The following ZNF517 variants were observed in gnomAD, a reference collection of about 807,000 sequenced individuals.
ZNF517 encodes zinc finger protein 517.
In ZNF517, 12 loss-of-function variants were observed where a neutral mutation model predicts 12.1. The ratio of observed to expected loss-of-function variants is 0.99; its 90% CI spans 0.63 to 1.61. The LOEUF (loss-of-function observed/expected upper bound fraction) is 1.61. Ranked by LOEUF, ZNF517 falls within the 40% of genes most tolerant of loss-of-function variation. The pLI is 0.00. For missense variants in ZNF517, 781 were observed against 693.2 expected, an observed-to-expected ratio of 1.13 and a Z score of -1.42; for synonymous variants, 388 against 310.2, an observed-to-expected ratio of 1.25 and a Z score of -2.63.
chr8:144,802,088 CAGAG>C (rs1231019671), intron 1 of ZNF517, among the ~76,000 whole-genome samples: 1 of 152,154 alleles, frequency 6.6e-6, no homozygotes, highest in African/African-American at 2.4e-5. Context: ...TTCTATGACG[CAGAG>C]AGAGCTAGAG....
downstream of ZNF517, chr8:144,810,257 A>G (rs755430024): frequency 3.3e-5 from 21 of 645,792 alleles, 2 homozygotes; most frequent in South Asian, 3.5e-4. Flanking sequence ...CCCCTAACAG[A>G]TGAAGAGAAG....
At chr8:144,811,626 C>T (rs1380074890), downstream of ZNF517, among the ~76,000 whole-genome samples, 1 of 130,388 alleles carries the variant, frequency 7.7e-6, no homozygotes, top group Non-Finnish European at 1.6e-5. Context: ...CAGCCAGGTG[C>T]AGACTGCAGA....
At chr8:144,801,049 G>A (rs982735627) in intron 1 of ZNF517, among the ~76,000 whole-genome samples, 14 of 152,090 alleles carry the variant, frequency 9.2e-5, no homozygotes, top group Admixed American at 9.2e-4. Flanking sequence ...GGCTGGTCAC[G>A]AACTCCTGAC....
chr8:144,800,753 G>T (rs931153793), intron 1 of ZNF517: 3 of 945,572 alleles, frequency 3.2e-6, no homozygotes, highest in African/African-American at 1.8e-5. Context: ...ATCGCCCTTC[G>T]TACCCTAACA....
At chr8:144,800,533 G>A (rs886893034) in intron 1 of ZNF517, 3 of 985,236 alleles carry the variant, frequency 3.0e-6, no homozygotes, top group African/African-American at 1.7e-5. Context: ...TCTTCTGGCA[G>A]CCTCATACCC....
At chr8:144,803,854 CT>C (rs1445044146) in intron 3 of ZNF517, 87 bp downstream of exon 3, 19 of 1,529,828 alleles carry the variant, frequency 1.2e-5, no homozygotes, top group Non-Finnish European at 1.6e-5. Flanking sequence ...GATTCAAGGT[CT>C]GACACATTTT....
downstream of ZNF517, among the ~76,000 whole-genome samples, chr8:144,813,199 C>G (rs1032888705): frequency 1.3e-5 from 2 of 151,760 alleles, no homozygotes; most frequent in South Asian, 2.1e-4. Context: ...ACCTGCAGTT[C>G]CAGCTACTCG....
Position 144,808,458 on chromosome 8 carries a change from G to T in ZNF517, c.*63G>T. ...CCACCCAAGCCGGCGGGGCCCTAGCGCAGAAATTCAGAACCCCCTGTCCTG... is the reference window on the plus strand; with the variant it reads ...CCACCCAAGCCGGCGGGGCCCTAGCTCAGAAATTCAGAACCCCCTGTCCTG... On this transcript the variant is annotated 3_prime_UTR_variant, in exon 5 of 5. Transcript: ENST00000359971. 7.0e-7 allele frequency: 1 copy of T among 1,421,414 alleles called. No homozygotes were observed. Among genetic ancestry groups the T allele is most frequent in the Non-Finnish European group, 9.2e-7 (1 of 1,087,734 alleles). The allele number at this position is 1,421,414 out of a possible 1,614,324, so 88.1% of individuals were successfully genotyped here.
chr8:144,807,314 C>T lies in ZNF517; in HGVS notation c.398C>T (p.Ala133Val). 1 of 1,552,662 alleles carries T rather than the reference C, an allele frequency of 6.4e-7. No homozygotes were observed. Among genetic ancestry groups the T allele is most frequent in the African/African-American group, 1.4e-5 (1 of 73,514 alleles). Residue 133 changes from alanine (A) to valine (V), a missense_variant, in exon 5 of 5, where the codon GCA (alanine) becomes GTA (valine). Ala to Val is a moderately conservative substitution (Grantham distance 64). Transcript: ENST00000359971. ...PWGHPVGGHP[A>V]PPHPHGGPED... ...GGGCACCCTGTGGGGGGGCACCCTG[C>T]ACCACCCCACCCGCATGGCGGTCCT...
Position 144,804,239 on chromosome 8 carries a change from G to GT in ZNF517, c.274+2dup. 1 of 1,612,604 alleles carries GT rather than the reference G, an allele frequency of 6.2e-7. No homozygotes were observed. Among genetic ancestry groups the GT allele is most frequent in the Non-Finnish European group, 8.5e-7 (1 of 1,179,308 alleles). On this transcript the variant is annotated splice_donor_variant, in intron 4 of 4. Coordinates refer to ENST00000359971, the MANE Select transcript of ZNF517 (RefSeq NM_213605.3). LOFTEE classifies it high-confidence loss of function. ...GTGGCCAAAGCCAGCCTGTGCACAG[G>GT]TGAGTACAAAGCACCCACAGGGCGT... is the stretch of plus-strand genomic sequence containing the variant.
chr8:144,801,372 C>T (rs1826950550), intron 1 of ZNF517, among the ~76,000 whole-genome samples: 1 of 152,108 alleles, frequency 6.6e-6, no homozygotes. Flanking sequence ...CTCACTCTGT[C>T]GCCCAGGCTG....
At chr8:144,812,964 C>A (rs988191591), downstream of ZNF517, among the ~76,000 whole-genome samples, 2 of 152,094 alleles carry the variant, frequency 1.3e-5, no homozygotes, top group African/African-American at 4.8e-5. Flanking sequence ...CCAAAAAAAA[C>A]CAGGAAAGCA....
At position 144,808,273 on chromosome 8, in the gene ZNF517, C is replaced by G; in HGVS notation, c.1357C>G (p.Arg453Gly). The G allele has an allele frequency of 6.4e-7, 1 of 1,572,574 alleles. No individual in the cohort carries two copies. Among genetic ancestry groups the G allele is most frequent in the East Asian group, 2.3e-5 (1 of 43,180 alleles). The change falls in exon 5 of 5, where the codon CGG becomes GGG. Residue 453 changes from arginine to glycine, a missense_variant. Transcript: ENST00000359971. ...YRLHSGERPY[R>G]CRACGRACSR... ...GCTCCACAGCGGCGAGAGGCCATAC[C>G]GGTGCCGCGCCTGCGGGAGGGCCTG...
At chr8:144,806,135 C>G (rs1342376703) in intron 4 of ZNF517, among the ~76,000 whole-genome samples, 1 of 152,218 alleles carries the variant, frequency 6.6e-6, no homozygotes, top group African/African-American at 2.4e-5. Flanking sequence ...TCCTGGTTCC[C>G]TATGGCCCAT....
chr8:144,806,551 C>T (rs1027821668), intron 4 of ZNF517, among the ~76,000 whole-genome samples: 1 of 152,072 alleles, frequency 6.6e-6, no homozygotes, highest in African/African-American at 2.4e-5. Context: ...GTGGTGCGGT[C>T]TTGGCTCACT....
In ZNF517 at chr8:144,807,327, G is replaced by T. The variant is rs764649958; in HGVS notation, c.411G>T (p.Pro137=). 33 of 1,551,634 alleles carry T rather than the reference G, an allele frequency of 2.1e-5. No homozygotes were observed. The highest frequency in any genetic ancestry group is 2.9e-5 in the Non-Finnish European group (33 of 1,146,946). Residue 137 remains proline, a synonymous_variant, in exon 5 of 5, where the codon CCG becomes CCT. Coordinates refer to ENST00000359971, the MANE Select transcript of ZNF517 (RefSeq NM_213605.3). ...PVGGHPAPPH[P]HGGPEDGSDK... is the part of the protein sequence containing the mutation. ...GGGGGCACCCTGCACCACCCCACCCGCATGGCGGTCCTGAGGACGGGTCAG... is the reference window on the plus strand; with the variant it reads ...GGGGGCACCCTGCACCACCCCACCCTCATGGCGGTCCTGAGGACGGGTCAG...
rs747778256 is a variant in ZNF517, at chr8:144,808,376, C to A, written c.1460C>A (p.Ala487Glu). The change falls in exon 5 of 5, where the codon GCG (alanine) becomes GAG (glutamate). Residue 487 changes from alanine (A) to glutamate (E), a missense_variant. Ala to Glu is a moderately radical substitution (Grantham distance 107). Coordinates refer to ENST00000359971, the MANE Select transcript of ZNF517 (RefSeq NM_213605.3). ...GGGGAGGACACAGAGGGCAGGCGGG[C>A]GCCCTGTTGGGCTTCCTGATGACGG... Reference protein sequence around the residue: ...EPGEDTEGRRAPCWAS With the variant: ...EPGEDTEGRREPCWAS The A allele has an allele frequency of 1.4e-6, 2 of 1,456,360 alleles. No individual in the cohort carries two copies. Among genetic ancestry groups the A allele is most frequent in the South Asian group, 1.5e-5 (1 of 68,276 alleles). The allele number at this position is 1,456,360 out of a possible 1,614,324, so 90.2% of individuals were successfully genotyped here. A position where few individuals can be genotyped will look rare whatever the true frequency, so the allele number is the denominator to read the frequency against.
At chr8:144,802,182 CCCA>C (rs1826998758) in intron 1 of ZNF517, among the ~76,000 whole-genome samples, 1 of 152,186 alleles carries the variant, frequency 6.6e-6, no homozygotes, top group Non-Finnish European at 1.5e-5. Flanking sequence ...TTCTGATGTT[CCCA>C]CAACATGGTT....
Position 144,807,902 on chromosome 8 carries a change from G to T in ZNF517, c.986G>T (p.Gly329Val). Residue 329 changes from glycine to valine, a missense_variant, in exon 5 of 5, where the codon GGG (glycine) becomes GTG (valine). Transcript: ENST00000359971. ...CLRCGQRFIR[G>V]SSLLKHHRLH... ...CGGTGTGGGCAGCGCTTCATCCGAG[G>T]GTCCTCGCTCCTGAAGCACCACCGG... 1 of 1,533,974 alleles carries T rather than the reference G, an allele frequency of 6.5e-7. No individual in the cohort carries two copies. The highest frequency in any genetic ancestry group is 8.7e-7 in the Non-Finnish European group (1 of 1,145,010).
Sources: allele counts gnomAD v4.1 joint callset (sites outside exome capture counted in the v4.1 genomes callset), GRCh38; gene constraint gnomAD v4.1.1; transcripts MANE v1.5; gene names NCBI Gene and HGNC (gene_info 2026-07-23, HGNC 2026-07-21).